The following EHD4 variants were observed in gnomAD, a reference collection of about 807,000 sequenced individuals.
The protein encoded by EHD4 is EH domain containing 4, also known as EH domain-containing protein 4.
In EHD4, 37 loss-of-function variants were observed where a neutral mutation model predicts 51.0. That is an observed-to-expected ratio of 0.73 (90% CI 0.56 to 0.95). The LOEUF is 0.95. Ranked by LOEUF, EHD4 falls within the 40% of genes least tolerant of loss-of-function variation. The probability of loss-of-function intolerance (pLI) is 0.00; values close to 1 mark genes in which losing one functional copy is unlikely to be tolerated. For synonymous variants in EHD4, 297 were observed against 317.3 expected, an observed-to-expected ratio of 0.94 and a Z score of 0.68; for missense variants, 632 against 733.1, an observed-to-expected ratio of 0.86 and a Z score of 1.59.
Position 41,919,406 on chromosome 15 carries a change from A to C in EHD4, c.728T>G (p.Leu243Arg). 1.2e-6 allele frequency: 2 copies of C among 1,605,472 alleles called. No individual in the cohort carries two copies. Among genetic ancestry groups the C allele is most frequent in the Non-Finnish European group, 1.7e-6 (2 of 1,174,832 alleles). Residue 243 changes from leucine (L) to arginine (R), a missense_variant, in exon 4 of 6, where the codon CTA becomes CGA. Transcript: ENST00000220325. ...MRVYGALMWS[L>R]GKVINTPEVL... ...CTCGGGCGTGTTGATGACCTTGCCT[A>C]GGGACCACATGAGGGCCCCGTAGAC...
At chr15:41,912,588 G>A (rs893778226) in intron 4 of EHD4, among the ~76,000 whole-genome samples, 8 of 152,056 alleles carry the variant, frequency 5.3e-5, no homozygotes, top group African/African-American at 1.7e-4. Flanking sequence ...TCAGCTACTC[G>A]GGAGGCTGAA....
intron 4 of EHD4, 29 bp downstream of exon 4, chr15:41,919,181 G>T: frequency 6.2e-7 from 1 of 1,612,172 alleles, no homozygotes; most frequent in East Asian, 2.2e-5. Flanking sequence ...CCAGCCCCTG[G>T]CCTCTGTGCA....
intron 1 of EHD4, among the ~76,000 whole-genome samples, chr15:41,955,182 C>T (rs991659675): frequency 6.6e-6 from 1 of 152,082 alleles, no homozygotes; most frequent in Non-Finnish European, 1.5e-5. Flanking sequence ...CCTGATATGG[C>T]GCTGAGCCTT....
intron 3 of EHD4, among the ~76,000 whole-genome samples, chr15:41,928,185 T>C (rs964209042): frequency 2.0e-5 from 3 of 152,342 alleles, no homozygotes; most frequent in East Asian, 3.9e-4. Context: ...GAAAATGTCA[T>C]TGTGGCAGAG....
At chr15:41,961,212 T>C (rs572504438) in intron 1 of EHD4, among the ~76,000 whole-genome samples, 20 of 152,250 alleles carry the variant, frequency 1.3e-4, no homozygotes, top group Non-Finnish European at 2.6e-4. Flanking sequence ...AGGGCTGAGA[T>C]GTGCTTGAAA....
rs1198683656 is a variant in EHD4 at position 41,900,010 on chromosome 15, C to T, written c.*635G>A. The T allele has an allele frequency of 2.0e-5, 3 of 152,528 alleles. No homozygotes were observed. Among genetic ancestry groups the T allele is most frequent in the African/African-American group, 7.2e-5 (3 of 41,428 alleles). The allele number at this position is 152,528 out of a possible 1,614,324, so 9.4% of individuals were successfully genotyped here. A position where few individuals can be genotyped will look rare whatever the true frequency, so the allele number is the denominator to read the frequency against. ...ATCGGGGCACTGGGATGGAGGCACG[C>T]TGGGGCCTGACTGCCTGCTCTGCTG... On this transcript the variant is annotated 3_prime_UTR_variant, in exon 6 of 6. Coordinates refer to ENST00000220325, the MANE Select transcript of EHD4 (RefSeq NM_139265.4). The surrounding 1 kb of genome is among the most constrained non-coding windows in gnomAD (Gnocchi z 4.8).
At chr15:41,946,639 T>C (rs1033691232) in intron 2 of EHD4, among the ~76,000 whole-genome samples, 1 of 152,186 alleles carries the variant, frequency 6.6e-6, no homozygotes, top group Non-Finnish European at 1.5e-5. Context: ...GGTGGGAGGA[T>C]GGCTTGAGCC....
intron 5 of EHD4, among the ~76,000 whole-genome samples, chr15:41,909,343 G>A (rs1014125359): frequency 2.0e-4 from 31 of 152,318 alleles, no homozygotes; most frequent in African/African-American, 7.2e-4. Context: ...GGCTGGAGGA[G>A]GCCGCCCAAG....
At chr15:41,951,631 C>G (rs2067853095) in intron 2 of EHD4, among the ~76,000 whole-genome samples, 1 of 152,146 alleles carries the variant, frequency 6.6e-6, no homozygotes, top group African/African-American at 2.4e-5. Flanking sequence ...AAAAAGAGCC[C>G]CAGACAAAGG....
chr15:41,958,169 C>G (rs1016252918), intron 1 of EHD4, among the ~76,000 whole-genome samples: 32 of 152,042 alleles, frequency 2.1e-4, no homozygotes, highest in African/African-American at 7.2e-4. Context: ...AGCCCCTCCA[C>G]AGGCATCCTG....
intron 4 of EHD4, 111 bp from the exon 5 acceptor site, chr15:41,909,974 AC>A (rs1449397083): frequency 2.7e-5 from 36 of 1,354,220 alleles, no homozygotes; most frequent in Non-Finnish European, 3.7e-5. Flanking sequence ...ACCCACACAA[AC>A]CAGGTCCCAA....
intron 3 of EHD4, chr15:41,921,850 C>A (rs929615494): frequency 7.9e-5 from 12 of 152,154 alleles, no homozygotes; most frequent in African/African-American, 2.9e-4. Context: ...CCTTAGCAAG[C>A]TGGGGCATAA....
At position 41,897,825 on chromosome 15, in the gene EHD4, TAG is replaced by T. The variant is rs1222658056; in HGVS notation, c.*2818_*2819del. 2 of 152,254 alleles carry T rather than the reference TAG, an allele frequency of 1.3e-5. No homozygotes were observed. The highest frequency in any genetic ancestry group is 2.9e-5 in the Non-Finnish European group (2 of 68,056). The allele number at this position is 152,254 out of a possible 1,614,324, so 9.4% of individuals were successfully genotyped here. On this transcript the variant is annotated 3_prime_UTR_variant, in exon 6 of 6. Transcript: ENST00000220325. ...CTCAGCTTCTTAGATGTTGTAGTTC[TAG>T]AGTTTAGGTACTTCCACCCTCTCTC... is the stretch of plus-strand genomic sequence containing the variant.
chr15:41,912,349 G>A (rs144406622), intron 4 of EHD4, among the ~76,000 whole-genome samples: 38 of 152,212 alleles, frequency 2.5e-4, no homozygotes, highest in Admixed American at 5.9e-4. Context: ...TTCCTGGTGC[G>A]CCCTAAACAA....
At chr15:41,903,985 A>T (rs1310160124) in intron 5 of EHD4, among the ~76,000 whole-genome samples, 2 of 151,802 alleles carry the variant, frequency 1.3e-5, no homozygotes, top group Admixed American at 1.3e-4. Flanking sequence ...CCTGCCACCA[A>T]CATCTCAATG....
intron 1 of EHD4, among the ~76,000 whole-genome samples, chr15:41,959,718 A>G (rs1566827420): frequency 1.3e-5 from 2 of 152,214 alleles, no homozygotes; most frequent in Non-Finnish European, 2.9e-5. Context: ...CTGTAATCCC[A>G]GCACTTTGAG....
chr15:41,926,612 T>C (rs1406962360), intron 3 of EHD4, among the ~76,000 whole-genome samples: 2 of 152,286 alleles, frequency 1.3e-5, no homozygotes, highest in East Asian at 1.9e-4. Context: ...ACGATCCCCA[T>C]CCCTTCTTAG....
intron 3 of EHD4, among the ~76,000 whole-genome samples, chr15:41,922,435 T>TC (rs1448887057): frequency 1.3e-5 from 2 of 152,064 alleles, no homozygotes; most frequent in Non-Finnish European, 2.9e-5. Flanking sequence ...TAAACAATCC[T>TC]CCCCTCACCC....
At chr15:41,907,579 G>C (rs538510048) in intron 5 of EHD4, among the ~76,000 whole-genome samples, 23 of 152,276 alleles carry the variant, frequency 1.5e-4, no homozygotes, top group African/African-American at 5.5e-4. Flanking sequence ...GAGTGCAGTG[G>C]TGCGATCTTG....
Sources: allele counts gnomAD v4.1 joint callset (sites outside exome capture counted in the v4.1 genomes callset), GRCh38; gene constraint gnomAD v4.1.1; non-coding constraint Gnocchi (gnomAD v3.1); transcripts MANE v1.5; gene names NCBI Gene and HGNC (gene_info 2026-07-23, HGNC 2026-07-21).